Variants in CPE observed in about 807,000 individuals in gnomAD.
The protein encoded by CPE is carbocypeptidase E.
Under a neutral mutation model 53.5 loss-of-function variants are expected in CPE, and 17 were observed. The observed-to-expected ratio is 0.32, with a 90% confidence interval of 0.22 to 0.48. CPE has a LOEUF of 0.48. CPE is among the 20% of genes least tolerant of loss of function. The pLI is 0.99. For missense variants in CPE, 524 were observed against 614.7 expected (o/e 0.85, Z 1.56); for synonymous variants, 226 against 228.8 (o/e 0.99, Z 0.11).
intron 1 of CPE, among the ~76,000 whole-genome samples, chr4:165,453,297 TTTTC>T (rs1037995227): frequency 2.3e-4 from 35 of 151,702 alleles, no homozygotes; most frequent in African/African-American, 8.0e-4. Flanking sequence ...CTTTCCTTCT[TTTTC>T]TTTCTTTTTC....
At chr4:165,386,287 C>A in intron 1 of CPE, 1 of 508,880 alleles carries the variant, frequency 2.0e-6, no homozygotes, top group Non-Finnish European at 3.9e-6. Context: ...CAAGAAGCTC[C>A]TATAGCTCCT....
At chr4:165,493,696 T>C (rs750581510) in intron 7 of CPE, among the ~76,000 whole-genome samples, 12 of 152,212 alleles carry the variant, frequency 7.9e-5, no homozygotes, top group Admixed American at 5.2e-4. Flanking sequence ...AGAAAACTGC[T>C]GCGGGTTGTG....
At position 165,379,289 on chromosome 4, in the gene CPE, T is replaced by C; in HGVS notation, c.68T>C (p.Leu23Pro). The change falls in exon 1 of 9, where the codon CTG becomes CCG. Residue 23 changes from leucine (L) to proline (P), a missense_variant. Coordinates refer to ENST00000402744, the MANE Select transcript of CPE (RefSeq NM_001873.4). This position sits in a 1 kb window ranked among gnomAD's most constrained non-coding sequence, Gnocchi z 6.0. ...CGALAACGWL[L>P]GAEAQEPGAP... ...GCACTGGCTGCCTGCGGGTGGCTCC[T>C]GGGCGCCGAAGCCCAGGAGCCCGGG... The C allele has an allele frequency of 6.6e-7, 1 of 1,503,864 alleles. No homozygotes were observed. Among genetic ancestry groups the C allele is most frequent in the Non-Finnish European group, 8.8e-7 (1 of 1,134,816 alleles). 93.2% of individuals were successfully genotyped at this position (1,503,864 alleles called of 1,614,324 possible).
At chr4:165,382,836 A>G (rs1400805730) in intron 1 of CPE, among the ~76,000 whole-genome samples, 1 of 152,200 alleles carries the variant, frequency 6.6e-6, no homozygotes, top group Admixed American at 6.5e-5. Context: ...TCTTTGCAAG[A>G]TGTTCAACTT....
chr4:165,427,995 T>C (rs1560879024), intron 1 of CPE, among the ~76,000 whole-genome samples: 2 of 146,632 alleles, frequency 1.4e-5, no homozygotes, highest in African/African-American at 5.0e-5. Flanking sequence ...ATTTTTATGC[T>C]GTATTTTCAT....
At chr4:165,455,121 T>C (rs1157037504) in intron 1 of CPE, among the ~76,000 whole-genome samples, 1 of 152,202 alleles carries the variant, frequency 6.6e-6, no homozygotes, top group African/African-American at 2.4e-5. Flanking sequence ...TGAAATGAGC[T>C]TCTCATGGAA....
At chr4:165,451,907 C>T (rs1295074637) in intron 1 of CPE, among the ~76,000 whole-genome samples, 1 of 151,908 alleles carries the variant, frequency 6.6e-6, no homozygotes, top group Non-Finnish European at 1.5e-5. Context: ...CTCCCCTAAG[C>T]CACGTACCGC....
intron 1 of CPE, among the ~76,000 whole-genome samples, chr4:165,439,893 C>T (rs960141747): frequency 2.6e-5 from 4 of 152,104 alleles, no homozygotes; most frequent in African/African-American, 9.7e-5. Context: ...CTAAAGCACT[C>T]CCCAGATCAG....
chr4:165,404,608 AC>A, intron 1 of CPE: 1 of 1,111,592 alleles, frequency 9.0e-7, no homozygotes, highest in Non-Finnish European at 1.4e-6. Context: ...GTGTGGCGGC[AC>A]CCACAGGAAG....
chr4:165,380,274 A>C (rs1292916149), intron 1 of CPE, among the ~76,000 whole-genome samples: 2 of 152,200 alleles, frequency 1.3e-5, no homozygotes, highest in African/African-American at 2.4e-5. Flanking sequence ...TCCAAGGAAA[A>C]AGGAGTATTC....
At position 165,400,230 on chromosome 4, in the gene CPE, G is replaced by A. The variant is rs138426262; in HGVS notation, c.307+20702G>A. ...AGTTTGAAATGAAATTCATTTCATA[G>A]CAGAATTTGAGGACAGAGGAAAAGA... is the stretch of plus-strand genomic sequence containing the variant. On this transcript the variant is annotated intron_variant, in intron 1 of 8. Coordinates refer to ENST00000402744, the MANE Select transcript of CPE (RefSeq NM_001873.4). 1.4e-4 allele frequency among the ~76,000 whole-genome samples: 22 copies of A among 152,286 alleles called. No homozygotes were observed. In the East Asian group the frequency reaches 4.2e-3, roughly 29 times the overall value.
chr4:165,461,718 T>A (rs977121704), intron 1 of CPE, among the ~76,000 whole-genome samples: 2 of 152,194 alleles, frequency 1.3e-5, no homozygotes, highest in Non-Finnish European at 2.9e-5. Flanking sequence ...TGCTGACATA[T>A]TTGCTTTTGG....
chr4:165,477,401 GTTTAC>G (rs1344611676), intron 3 of CPE, among the ~76,000 whole-genome samples: 3 of 152,136 alleles, frequency 2.0e-5, no homozygotes, highest in Non-Finnish European at 4.4e-5. Context: ...AGCAAGATTT[GTTTAC>G]TTTACACTAA....
At chr4:165,480,299 G>T (rs796715235) in intron 3 of CPE, among the ~76,000 whole-genome samples, 8 of 152,256 alleles carry the variant, frequency 5.3e-5, no homozygotes, top group African/African-American at 1.9e-4. Context: ...AACAGTTTTA[G>T]CTAATATAGA....
chr4:165,383,840 G>T (rs533332960), intron 1 of CPE, among the ~76,000 whole-genome samples: 1 of 152,322 alleles, frequency 6.6e-6, no homozygotes, highest in Admixed American at 6.5e-5. Flanking sequence ...GAAGATAGAT[G>T]TTAGATCCTA....
intron 1 of CPE, among the ~76,000 whole-genome samples, chr4:165,427,145 T>G (rs1341210694): frequency 5.3e-5 from 8 of 152,080 alleles, no homozygotes; most frequent in East Asian, 1.9e-4. Flanking sequence ...AAGTCAGCTG[T>G]GTAACCTTTC....
At chr4:165,412,086 A>G (rs1237067278) in intron 1 of CPE, among the ~76,000 whole-genome samples, 1 of 152,216 alleles carries the variant, frequency 6.6e-6, no homozygotes, top group Non-Finnish European at 1.5e-5. Context: ...AGTGATTTTT[A>G]GAAGGCATTT....
intron 1 of CPE, among the ~76,000 whole-genome samples, chr4:165,395,846 C>T (rs377397924): frequency 6.6e-6 from 1 of 152,194 alleles, no homozygotes; most frequent in East Asian, 1.9e-4. Context: ...CCCCAAAACA[C>T]TTGTCATGAA....
At chr4:165,398,268 T>C (rs1730807670) in intron 1 of CPE, among the ~76,000 whole-genome samples, 1 of 152,062 alleles carries the variant, frequency 6.6e-6, no homozygotes, top group African/African-American at 2.4e-5. Flanking sequence ...CAGTGACAAT[T>C]TTCTGAGACA....
Sources: allele counts gnomAD v4.1 joint callset (sites outside exome capture counted in the v4.1 genomes callset), GRCh38; gene constraint gnomAD v4.1.1; non-coding constraint Gnocchi (gnomAD v3.1); transcripts MANE v1.5; gene names NCBI Gene and HGNC (gene_info 2026-07-23, HGNC 2026-07-21).